The following ZNF423 variants were observed in gnomAD, a reference collection of about 807,000 sequenced individuals.
ZNF423 encodes the protein zinc finger protein 423.
A neutral mutation model predicts 95.8 loss-of-function variants in ZNF423; 12 were observed. That is an observed-to-expected ratio of 0.13 (90% CI 0.08 to 0.20). The LOEUF (loss-of-function observed/expected upper bound fraction) is 0.20, where lower values mean the gene tolerates loss of function less well. ZNF423 is among the 10% of genes least tolerant of loss of function. The pLI, the probability that ZNF423 is intolerant of heterozygous loss-of-function variation, is 1.00. For synonymous variants in ZNF423, 749 were observed against 711.9 expected (o/e 1.05, Z -0.83); for missense variants, 1,316 against 1,737.1 (o/e 0.76, Z 4.31).
intron 2 of ZNF423, among the ~76,000 whole-genome samples, chr16:49,749,331 C>A (rs1468601376): frequency 6.6e-6 from 1 of 152,216 alleles, no homozygotes; most frequent in Non-Finnish European, 1.5e-5. Context: ...GGCGTGCATT[C>A]GGCCAGCCTG....
At chr16:49,774,499 G>A (rs1306710916) in intron 2 of ZNF423, among the ~76,000 whole-genome samples, 2 of 152,196 alleles carry the variant, frequency 1.3e-5, no homozygotes, top group African/African-American at 4.8e-5. Flanking sequence ...AGAGCAAAAA[G>A]TGGGTGATCG....
chr16:49,532,055 A>T (rs1473014529), intron 5 of ZNF423, among the ~76,000 whole-genome samples: 3 of 152,214 alleles, frequency 2.0e-5, no homozygotes, highest in African/African-American at 7.2e-5. Flanking sequence ...GAGCTGTCCC[A>T]CTGCTTTGAC....
chr16:49,713,827 T>G (rs545460263), intron 3 of ZNF423, among the ~76,000 whole-genome samples: 10 of 152,168 alleles, frequency 6.6e-5, no homozygotes, highest in Non-Finnish European at 1.2e-4. Flanking sequence ...AGAAAGTCAG[T>G]GATCAGACAC....
chr16:49,830,513 G>A (rs1329546945), intron 1 of ZNF423, among the ~76,000 whole-genome samples: 1 of 152,190 alleles, frequency 6.6e-6, no homozygotes, highest in Non-Finnish European at 1.5e-5. Flanking sequence ...GTTGGCCTGA[G>A]ATTGGTGCAG....
Position 49,735,842 on chromosome 16 carries a change from T to C in ZNF423, c.101-4871A>G, listed in dbSNP as rs78367007. ...TGGATGACAGCAGCTCCAAACACCATGCGGCTGCAACTGTACAAGAAACAC... is the reference window on the plus strand; with the variant it reads ...TGGATGACAGCAGCTCCAAACACCACGCGGCTGCAACTGTACAAGAAACAC... On this transcript the variant is annotated intron_variant, in intron 2 of 7. Coordinates refer to ENST00000563137, the MANE Select transcript of ZNF423 (RefSeq NM_001379286.1). 5.7e-3 allele frequency among the ~76,000 whole-genome samples: 862 copies of C among 152,296 alleles called. 8 individuals are homozygous for C. The highest frequency in any genetic ancestry group is 0.044 in the East Asian group (230 of 5,180).
chr16:49,817,529 C>T (rs895363448), intron 1 of ZNF423, among the ~76,000 whole-genome samples: 1 of 152,110 alleles, frequency 6.6e-6, no homozygotes, highest in Non-Finnish European at 1.5e-5. Context: ...GCAACAGGAA[C>T]ACAGGTCCCA....
At chr16:49,634,042 G>A (rs1972595925) in intron 4 of ZNF423, among the ~76,000 whole-genome samples, 1 of 151,784 alleles carries the variant, frequency 6.6e-6, no homozygotes, top group African/African-American at 2.4e-5. Flanking sequence ...GAGTATCTGG[G>A]ACTACAGGTG....
chr16:49,728,173 T>C (rs2033075935), intron 3 of ZNF423, among the ~76,000 whole-genome samples: 1 of 152,086 alleles, frequency 6.6e-6, no homozygotes. Flanking sequence ...TGGAAGGGTG[T>C]GGAGGCATTC....
intron 3 of ZNF423, among the ~76,000 whole-genome samples, chr16:49,662,738 C>G (rs960059141): frequency 2.6e-5 from 4 of 152,264 alleles, no homozygotes; most frequent in African/African-American, 7.2e-5. Context: ...TGAGCAGACA[C>G]CAGAAGCAAA....
intron 1 of ZNF423, among the ~76,000 whole-genome samples, chr16:49,795,070 C>T (rs1427078915): frequency 1.3e-5 from 2 of 151,936 alleles, no homozygotes; most frequent in South Asian, 2.1e-4. Flanking sequence ...CGGGGCTTCA[C>T]CATGTTAGCC....
At chr16:49,496,097 C>T (rs1207572688) in intron 7 of ZNF423, among the ~76,000 whole-genome samples, 1 of 152,258 alleles carries the variant, frequency 6.6e-6, no homozygotes, top group Non-Finnish European at 1.5e-5. Context: ...TCCATTGGTG[C>T]TAGCCACTGC....
chr16:49,738,371 C>T (rs1019753056), intron 2 of ZNF423, among the ~76,000 whole-genome samples: 2 of 152,162 alleles, frequency 1.3e-5, no homozygotes, highest in African/African-American at 2.4e-5. Flanking sequence ...ACCCAGATTC[C>T]GGTCTTAGCT....
chr16:49,693,463 G>A (rs1478224972), intron 3 of ZNF423, among the ~76,000 whole-genome samples: 2 of 152,164 alleles, frequency 1.3e-5, no homozygotes, highest in East Asian at 3.9e-4. Context: ...GCTTATCAAT[G>A]ACCGTGGTGA....
chr16:49,521,412 A>G (rs1968389228), intron 7 of ZNF423, among the ~76,000 whole-genome samples: 2 of 152,236 alleles, frequency 1.3e-5, no homozygotes, highest in South Asian at 4.1e-4. Context: ...CAGGTAAGGC[A>G]GGTAGGATAA....
chr16:49,522,121 C>A (rs1968423489), intron 7 of ZNF423, among the ~76,000 whole-genome samples: 1 of 152,190 alleles, frequency 6.6e-6, no homozygotes, highest in African/African-American at 2.4e-5. Context: ...CATGCAGGTG[C>A]AGCAGTGGCA....
intron 2 of ZNF423, among the ~76,000 whole-genome samples, chr16:49,784,043 G>C (rs1047627121): frequency 2.0e-5 from 3 of 151,738 alleles, no homozygotes; most frequent in African/African-American, 4.8e-5. Context: ...CTACTAGGAA[G>C]TTTAGAATTT....
rs181184194 is a variant in ZNF423 at position 49,531,547 on chromosome 16, G to A, written c.3602-6053C>T. Among the ~76,000 whole-genome samples, 707 of 152,184 alleles carry A rather than the reference G, an allele frequency of 4.6e-3. 3 individuals are homozygous for A. Among genetic ancestry groups the A allele is most frequent in the Middle Eastern group, 0.031 (9 of 294 alleles). On this transcript the variant is annotated intron_variant, in intron 5 of 7. Transcript: ENST00000563137. Reference sequence around the variant, plus strand: ...TGGGAGACTCTGTCCTTTGTTTCCTGTAAGAAACAAAGACCCCCAGGCAGA... The same window carrying A: ...TGGGAGACTCTGTCCTTTGTTTCCTATAAGAAACAAAGACCCCCAGGCAGA...
intron 5 of ZNF423, among the ~76,000 whole-genome samples, chr16:49,609,320 C>T (rs1465081493): frequency 6.6e-6 from 1 of 152,144 alleles, no homozygotes; most frequent in Non-Finnish European, 1.5e-5. Flanking sequence ...AATCAAAAAT[C>T]ATCTATCCTA....
intron 3 of ZNF423, among the ~76,000 whole-genome samples, chr16:49,721,032 C>G (rs565385059): frequency 5.0e-4 from 76 of 152,346 alleles, no homozygotes; most frequent in African/African-American, 1.6e-3. Context: ...AAAGGTGGAG[C>G]CTGGAGGTGC....
Sources: allele counts gnomAD v4.1 joint callset (sites outside exome capture counted in the v4.1 genomes callset), GRCh38; gene constraint gnomAD v4.1.1; transcripts MANE v1.5; gene names NCBI Gene and HGNC (gene_info 2026-07-23, HGNC 2026-07-21).